The following CDH4 variants were observed in gnomAD, a reference collection of about 807,000 sequenced individuals.
The protein encoded by CDH4 is cadherin-4.
A neutral mutation model predicts 86.0 loss-of-function variants in CDH4; 33 were observed. The ratio of observed to expected loss-of-function variants is 0.38; its 90% CI spans 0.29 to 0.51. CDH4 has a LOEUF of 0.51. Among genes scored for constraint, CDH4 ranks in the 20% least tolerant of loss-of-function variants. The probability of loss-of-function intolerance (pLI) is 0.86; values close to 1 mark genes in which losing one functional copy is unlikely to be tolerated. For missense variants in CDH4, 1,114 were observed against 1,307.4 expected, an observed-to-expected ratio of 0.85 and a Z score of 2.28; for synonymous variants, 555 against 549.4, an observed-to-expected ratio of 1.01 and a Z score of -0.14.
chr20:61,440,028 C>A (rs2145530424), intron 2 of CDH4, among the ~76,000 whole-genome samples: 1 of 152,360 alleles, frequency 6.6e-6, no homozygotes, highest in Admixed American at 6.5e-5. Flanking sequence ...TATATTGCAA[C>A]TGTCCTATCC....
At chr20:61,861,731 C>T (rs1046487354) in intron 6 of CDH4, among the ~76,000 whole-genome samples, 31 of 152,178 alleles carry the variant, frequency 2.0e-4, no homozygotes, top group Non-Finnish European at 1.2e-4. Context: ...GGCTGCGGCG[C>T]CCCCAAGCGT....
intron 2 of CDH4, among the ~76,000 whole-genome samples, chr20:61,409,226 C>G (rs1255371059): frequency 1.3e-5 from 2 of 152,160 alleles, no homozygotes; most frequent in South Asian, 4.1e-4. Flanking sequence ...AACCCTCCCC[C>G]ACGTAGTGCC....
intron 2 of CDH4, among the ~76,000 whole-genome samples, chr20:61,637,910 A>C (rs1158995435): frequency 1.3e-5 from 2 of 151,952 alleles, no homozygotes; most frequent in Non-Finnish European, 2.9e-5. Flanking sequence ...AAGCCCAGCT[A>C]TTTGGGAGGC....
At chr20:61,611,031 C>T (rs2086681307) in intron 2 of CDH4, among the ~76,000 whole-genome samples, 1 of 152,006 alleles carries the variant, frequency 6.6e-6, no homozygotes, top group Non-Finnish European at 1.5e-5. Flanking sequence ...GGATCCCTGC[C>T]TAAAGCAAGA....
chr20:61,726,041 T>C (rs909723035), intron 2 of CDH4, among the ~76,000 whole-genome samples: 2 of 151,992 alleles, frequency 1.3e-5, no homozygotes, highest in Admixed American at 6.5e-5. Context: ...AGATATGTGA[T>C]GGGAGCTTTC....
At chr20:61,502,550 G>A (rs1430075742) in intron 2 of CDH4, among the ~76,000 whole-genome samples, 1 of 152,204 alleles carries the variant, frequency 6.6e-6, no homozygotes, top group African/African-American at 2.4e-5. Context: ...GTCTGTGGTT[G>A]TGTGGTTAAG....
chr20:61,646,045 G>A (rs2087057973), intron 2 of CDH4, among the ~76,000 whole-genome samples: 1 of 152,198 alleles, frequency 6.6e-6, no homozygotes, highest in Admixed American at 6.5e-5. Flanking sequence ...CCAGCATGCA[G>A]TGAGCTCAGG....
chr20:61,881,684 G>T (rs1984283610), intron 7 of CDH4, among the ~76,000 whole-genome samples: 1 of 152,206 alleles, frequency 6.6e-6, no homozygotes, highest in Admixed American at 6.5e-5. Context: ...GCACGTGGGG[G>T]ACTGCAGGTG....
At chr20:61,285,791 G>A (rs909550215) in intron 2 of CDH4, among the ~76,000 whole-genome samples, 1 of 152,238 alleles carries the variant, frequency 6.6e-6, no homozygotes, top group Non-Finnish European at 1.5e-5. Context: ...TCAATGTTCT[G>A]CCTCATTAGA....
In CDH4 at chr20:61,798,003, A is replaced by G. The variant is rs527277240; in HGVS notation, c.576+24821A>G. On this transcript the variant is annotated intron_variant, in intron 4 of 15. Coordinates refer to ENST00000614565, the MANE Select transcript of CDH4 (RefSeq NM_001794.5). Reference sequence around the variant, plus strand: ...CTAGAGTTTTTCTAGAGAAAGCCAAAATGGAAAAGCACCACTCCGGGGTCA... The same window carrying G: ...CTAGAGTTTTTCTAGAGAAAGCCAAGATGGAAAAGCACCACTCCGGGGTCA... 9.2e-5 allele frequency among the ~76,000 whole-genome samples: 14 copies of G among 152,282 alleles called. No individual in the cohort carries two copies. In the South Asian group the frequency reaches 2.7e-3, roughly 29 times the overall value.
intron 2 of CDH4, among the ~76,000 whole-genome samples, chr20:61,735,451 C>T (rs1176836102): frequency 6.6e-6 from 1 of 152,178 alleles, no homozygotes; most frequent in Non-Finnish European, 1.5e-5. Context: ...GTGGGCAGAA[C>T]CTGTGGCAGG....
chr20:61,705,475 G>A (rs140673236), intron 2 of CDH4, among the ~76,000 whole-genome samples: 36 of 152,378 alleles, frequency 2.4e-4, no homozygotes, highest in Non-Finnish European at 4.8e-4. Context: ...TGGGAGAGCC[G>A]TAGGTGCCCC....
chr20:61,797,457 T>C (rs986355161), intron 4 of CDH4, among the ~76,000 whole-genome samples: 3 of 152,206 alleles, frequency 2.0e-5, no homozygotes, highest in Non-Finnish European at 4.4e-5. Flanking sequence ...AAGCTGGGGT[T>C]GTATCAAAAC....
intron 2 of CDH4, among the ~76,000 whole-genome samples, chr20:61,525,255 G>T (rs924109507): frequency 6.6e-6 from 1 of 152,206 alleles, no homozygotes; most frequent in Non-Finnish European, 1.5e-5. Flanking sequence ...GAATTGAGCT[G>T]CCTGTGGTTT....
At chr20:61,760,920 T>C (rs2088625889) in intron 3 of CDH4, among the ~76,000 whole-genome samples, 1 of 152,214 alleles carries the variant, frequency 6.6e-6, no homozygotes, top group African/African-American at 2.4e-5. Context: ...GGCTCACATG[T>C]TCTATTTGTG....
Position 61,719,526 on chromosome 20 carries a change from G to T in CDH4, c.170-24037G>T, listed in dbSNP as rs767069677. The stretch of plus-strand genomic sequence containing the variant: ...CCAACCCAAAGAGAGATAATTTCTC[G>T]GGAGTCTTTATCTCGTTCCTCTGTA... On this transcript the variant is annotated intron_variant, in intron 2 of 15. Coordinates refer to ENST00000614565, the MANE Select transcript of CDH4 (RefSeq NM_001794.5). 2.4e-5 allele frequency: 5 copies of T among 208,604 alleles called. No homozygotes were observed. The East Asian group carries it at 3.6e-4, about 15-fold the overall frequency. The allele number at this position is 208,604 out of a possible 1,614,324, so 12.9% of individuals were successfully genotyped here.
intron 2 of CDH4, among the ~76,000 whole-genome samples, chr20:61,699,011 G>C (rs1447764589): frequency 6.6e-6 from 1 of 152,258 alleles, no homozygotes. Flanking sequence ...TGCTACACAA[G>C]AATGGCCGCT....
intron 2 of CDH4, among the ~76,000 whole-genome samples, chr20:61,268,009 C>T (rs746673225): frequency 3.3e-5 from 5 of 152,186 alleles, no homozygotes; most frequent in Admixed American, 6.5e-5. Context: ...TGTGTTGCAG[C>T]GGGCTGATTG....
chr20:61,819,236 G>A (rs1310729376), intron 4 of CDH4, among the ~76,000 whole-genome samples: 1 of 152,216 alleles, frequency 6.6e-6, no homozygotes, highest in Non-Finnish European at 1.5e-5. Context: ...AAGTGGACAC[G>A]AGAGTGCATC....
Sources: gnomAD v4.1 joint callset for allele counts (sites outside exome capture counted in the v4.1 genomes callset) on GRCh38, gnomAD v4.1.1 for gene constraint, MANE v1.5 for transcripts, NCBI Gene and HGNC (gene_info 2026-07-23, HGNC 2026-07-21) for gene names.